Variants in QRICH1 observed in about 807,000 individuals in gnomAD.
The protein encoded by QRICH1 is glutamine rich 1, also known as transcriptional regulator QRICH1.
QRICH1 carries 16 observed loss-of-function variants against 87.1 expected under a neutral mutation model. The observed-to-expected ratio is 0.18, with a 90% CI of 0.12 to 0.28. The LOEUF (loss-of-function observed/expected upper bound fraction) is 0.28. Among genes scored for constraint, QRICH1 ranks in the 10% least tolerant of loss-of-function variants. The pLI is 1.00. For missense variants in QRICH1, 647 were observed against 951.7 expected (o/e 0.68, Z 4.21); for synonymous variants, 367 against 368.4 (o/e 1.00, Z 0.05).
intron 6 of QRICH1, among the ~76,000 whole-genome samples, chr3:49,038,333 T>C (rs2093288306): frequency 6.6e-6 from 1 of 151,998 alleles, no homozygotes; most frequent in Admixed American, 6.6e-5. Flanking sequence ...AGTGCTGGGA[T>C]TACAAGCATG....
At chr3:49,094,134 T>C (rs2042336316), upstream of QRICH1, 1 of 398,036 alleles carries the variant, frequency 2.5e-6, no homozygotes. Context: ...TGGGACTGCC[T>C]ACCGGCCAAA....
intron 2 of QRICH1, among the ~76,000 whole-genome samples, chr3:49,065,674 G>C (rs2093464002): frequency 6.6e-6 from 1 of 151,714 alleles, no homozygotes; most frequent in Non-Finnish European, 1.5e-5. Flanking sequence ...AGGCTACCAG[G>C]AGTCTCTCTC....
In QRICH1 at chr3:49,057,087, G is replaced by A; in HGVS notation, c.1113C>T (p.Ser371=). Residue 371 remains serine (S), a synonymous_variant, in exon 3 of 10, where the codon TCC becomes TCT. Transcript: ENST00000395443. The surrounding 1 kb of genome is among the most constrained non-coding windows in gnomAD (Gnocchi z 5.4). ...MVGTTSVVKN[S]HEEVVQTLAN... is the part of the protein sequence containing the mutation. ...CAAGGGTCTGCACTACCTCTTCATG[G>A]GAGTTTTTCACTACAGATGTGGTGC... The A allele has an allele frequency of 6.2e-7, 1 of 1,614,174 alleles. No individual in the cohort carries two copies. The highest frequency in any genetic ancestry group is 8.5e-7 in the Non-Finnish European group (1 of 1,180,040).
rs966652644 is a variant in QRICH1 at position 49,076,834 on chromosome 3, T to C, written c.184A>G (p.Ile62Val). 1.1e-5 allele frequency: 18 copies of C among 1,613,906 alleles called. No homozygotes were observed. Among genetic ancestry groups the C allele is most frequent in the Non-Finnish European group, 1.4e-5 (17 of 1,179,954 alleles). Residue 62 changes from isoleucine (I) to valine (V), a missense_variant, in exon 2 of 10, where the codon ATA (isoleucine) becomes GTA (valine). By Grantham distance (29) the Ile-to-Val change is conservative. Around this residue, in one of 7 missense-constraint regions of QRICH1, gnomAD observed 56 missense variants for 109.6 expected, o/e 0.51. Transcript: ENST00000395443. ...TMVYQQGGNC[I>V]YTDSTEVAGS... ...GCCACTTCAGTGCTGTCTGTGTATA[T>C]GCAGTTCCCACCCTGTTGGTACACC...
At position 49,081,697 on chromosome 3, in the gene QRICH1, T is replaced by A. The variant is rs766014600; in HGVS notation, c.-21-4659A>T. Among the ~76,000 whole-genome samples, 111 of 152,272 alleles carry A rather than the reference T, an allele frequency of 7.3e-4. 1 individual carries two copies. Among genetic ancestry groups the A allele is most frequent in the Middle Eastern group, 6.8e-3 (2 of 294 alleles). On this transcript the variant is annotated intron_variant, in intron 1 of 9. Transcript: ENST00000395443. ...AGTATTTGTTAGAGAGACAGGGTTT[T>A]GCCATGTTGCCCACGCTGTTCTCAA...
chr3:49,039,408 C>T (rs778869933), intron 6 of QRICH1, among the ~76,000 whole-genome samples: 3 of 151,700 alleles, frequency 2.0e-5, no homozygotes, highest in Non-Finnish European at 2.9e-5. Flanking sequence ...AGGCTGGGCC[C>T]GGTGGCTCAT....
At chr3:49,066,342 T>C (rs998670795) in intron 2 of QRICH1, among the ~76,000 whole-genome samples, 5 of 152,042 alleles carry the variant, frequency 3.3e-5, no homozygotes, top group South Asian at 4.1e-4. Flanking sequence ...GTTAAACACA[T>C]AGTATGTTTT....
chr3:49,054,672 A>G (rs910579092), intron 3 of QRICH1, among the ~76,000 whole-genome samples: 1 of 152,172 alleles, frequency 6.6e-6, no homozygotes, highest in South Asian at 2.1e-4. Context: ...TGGGAGGCCA[A>G]GGTGGGAGGA....
At position 49,032,643 on chromosome 3, in the gene QRICH1, T is replaced by C; in HGVS notation, c.2026A>G (p.Ile676Val). The C allele has an allele frequency of 5.0e-6, 8 of 1,605,722 alleles. No individual in the cohort carries two copies. The highest frequency in any genetic ancestry group is 6.8e-6 in the Non-Finnish European group (8 of 1,176,226). ...TSIRYLKALGIHQTGQKVTDD... is the reference protein window; with the variant it reads ...TSIRYLKALGVHQTGQKVTDD... ...CTACCTTTCTGGCCAGTCTGGTGTATTCCAAGGGCCTTCAAGTACCGGATA... is the reference window on the plus strand; with the variant it reads ...CTACCTTTCTGGCCAGTCTGGTGTACTCCAAGGGCCTTCAAGTACCGGATA... The change falls in exon 8 of 10, where the codon ATA becomes GTA. Residue 676 changes from isoleucine to valine, a missense_variant. Coordinates refer to ENST00000395443, the MANE Select transcript of QRICH1 (RefSeq NM_198880.3).
intron 1 of QRICH1, among the ~76,000 whole-genome samples, chr3:49,087,874 C>T (rs2042198866): frequency 7.3e-6 from 1 of 136,760 alleles, no homozygotes; most frequent in Non-Finnish European, 1.5e-5. Flanking sequence ...GAAATAACTC[C>T]ATATGTTTAT....
chr3:49,046,981 A>C, intron 4 of QRICH1, 88 bp downstream of exon 4: 1 of 1,438,666 alleles, frequency 7.0e-7, no homozygotes, highest in Non-Finnish European at 9.5e-7. Context: ...CCAAGACAGG[A>C]GACACCACTT....
chr3:49,036,389 A>G (rs1485812328), intron 6 of QRICH1, among the ~76,000 whole-genome samples: 1 of 152,242 alleles, frequency 6.6e-6, no homozygotes, highest in Non-Finnish European at 1.5e-5. Context: ...GAAGGATTCT[A>G]CACTAGAACA....
At chr3:49,087,837 A>AAAAAAAAAAAAAAAAAAC (rs1283148564) in intron 1 of QRICH1, among the ~76,000 whole-genome samples, 8 of 149,510 alleles carry the variant, frequency 5.4e-5, no homozygotes, top group Non-Finnish European at 7.4e-5. Flanking sequence ...AAAAAAAAAA[A>AAAAAAAAAAAAAAAAAAC]AAGAACAATG....
rs1337259616 is a variant in QRICH1 at position 49,087,469 on chromosome 3, C to T, written c.-22+6443G>A. 5.3e-5 allele frequency among the ~76,000 whole-genome samples: 8 copies of T among 151,292 alleles called. No individual in the cohort carries two copies. In the South Asian group the frequency reaches 1.0e-3, roughly 20 times the overall value. Reference sequence around the variant, plus strand: ...CTGAGGCAGGAGAATTACTTGAACCCGGGAGGCGAAGGTTGCAGTGAGCCA... The same window carrying T: ...CTGAGGCAGGAGAATTACTTGAACCTGGGAGGCGAAGGTTGCAGTGAGCCA... On this transcript the variant is annotated intron_variant, in intron 1 of 9. Transcript: ENST00000395443.
intron 6 of QRICH1, among the ~76,000 whole-genome samples, chr3:49,040,750 C>T (rs1055164095): frequency 6.6e-6 from 1 of 152,194 alleles, no homozygotes; most frequent in Admixed American, 6.6e-5. Flanking sequence ...AATGCAACTG[C>T]TGCATCATAA....
chr3:49,078,996 A>G (rs1207129112), intron 1 of QRICH1, among the ~76,000 whole-genome samples: 2 of 151,916 alleles, frequency 1.3e-5, no homozygotes, highest in Non-Finnish European at 2.9e-5. Flanking sequence ...TGGTTTCTGT[A>G]ATATCCATAG....
At chr3:49,064,234 ATTTTTTTT>A (rs1029737044) in intron 2 of QRICH1, among the ~76,000 whole-genome samples, 3 of 92,320 alleles carry the variant, frequency 3.2e-5, no homozygotes, top group Middle Eastern at 7.7e-3. Flanking sequence ...GCTGGCCCTA[ATTTTTTTT>A]TTTTTTTTTT....
At chr3:49,068,271 C>T (rs1179142224) in intron 2 of QRICH1, among the ~76,000 whole-genome samples, 2 of 151,808 alleles carry the variant, frequency 1.3e-5, no homozygotes, top group Non-Finnish European at 2.9e-5. Context: ...ATGGCAGGAT[C>T]AATTGCGCCC....
intron 3 of QRICH1, among the ~76,000 whole-genome samples, chr3:49,055,025 A>G (rs907463174): frequency 2.6e-5 from 4 of 152,194 alleles, no homozygotes; most frequent in Non-Finnish European, 5.9e-5. Flanking sequence ...TGCCTTATAA[A>G]TAATTCGAAG....
Sources: allele counts gnomAD v4.1 joint callset (sites outside exome capture counted in the v4.1 genomes callset), GRCh38; gene constraint gnomAD v4.1.1; regional missense constraint gnomAD v4.1.1; non-coding constraint Gnocchi (gnomAD v3.1); transcripts MANE v1.5; gene names NCBI Gene and HGNC (gene_info 2026-07-23, HGNC 2026-07-21).